The following CADPS variants were observed in gnomAD, a reference collection of about 807,000 sequenced individuals.
CADPS encodes calcium dependent secretion activator, also known as calcium-dependent secretion activator 1.
Under a neutral mutation model 167.3 loss-of-function variants are expected in CADPS, and 57 were observed. The ratio of observed to expected loss-of-function variants is 0.34; its 90% confidence interval spans 0.28 to 0.42. The LOEUF is 0.42. Ranked by LOEUF, CADPS falls within the 20% of genes least tolerant of loss-of-function variation. The pLI, the probability that CADPS is intolerant of heterozygous loss-of-function variation, is 1.00. For synonymous variants in CADPS, 676 were observed against 635.3 expected, an observed-to-expected ratio of 1.06 and a Z score of -0.96; for missense variants, 1,414 against 1,738.1, an observed-to-expected ratio of 0.81 and a Z score of 3.32.
intron 28 of CADPS, among the ~76,000 whole-genome samples, chr3:62,419,613 A>G (rs2050883235): frequency 6.6e-6 from 1 of 152,144 alleles, no homozygotes; most frequent in Non-Finnish European, 1.5e-5. Flanking sequence ...AGAACTTAAG[A>G]TGTAGGAGAA....
At chr3:62,702,189 T>C (rs1374172961) in intron 3 of CADPS, among the ~76,000 whole-genome samples, 1 of 152,172 alleles carries the variant, frequency 6.6e-6, no homozygotes, top group Non-Finnish European at 1.5e-5. Flanking sequence ...CCAGGGCATG[T>C]CCTTAACCTT....
intron 1 of CADPS, among the ~76,000 whole-genome samples, chr3:62,855,111 T>A (rs13317286): frequency 1.4e-5 from 2 of 144,498 alleles, no homozygotes; most frequent in South Asian, 2.2e-4. Flanking sequence ...TTTTTTTTTG[T>A]CTTTTAGTAG....
chr3:62,548,681 G>A (rs2076875537), intron 11 of CADPS, among the ~76,000 whole-genome samples: 1 of 152,232 alleles, frequency 6.6e-6, no homozygotes. Context: ...CTGTTTAAGA[G>A]CAACAGAGGA....
chr3:62,874,988 G>C lies in CADPS; in HGVS notation c.42C>G (p.Ile14Met), dbSNP rs201514742. The C allele has an allele frequency of 1.3e-6, 2 of 1,595,646 alleles. No homozygotes were observed. Among genetic ancestry groups the C allele is most frequent in the African/African-American group, 2.8e-5 (2 of 72,672 alleles). Residue 14 changes from isoleucine to methionine, a missense_variant, in exon 1 of 30, where the codon ATC becomes ATG. Coordinates refer to ENST00000383710, the MANE Select transcript of CADPS (RefSeq NM_003716.4). The surrounding 1 kb of genome is among the most constrained non-coding windows in gnomAD (Gnocchi z 7.1). ...CCTCCTTGCCGCTCTCCTCCTCCAC[G>C]ATCTCATCCGATTCTTCTTCGCTGG... ...PSSSEEESDE[I>M]VEEESGKEVL...
chr3:62,516,535 T>C (rs771626645), intron 15 of CADPS, 45 bp downstream of exon 15: 7 of 1,380,136 alleles, frequency 5.1e-6, no homozygotes, highest in Non-Finnish European at 7.0e-6. Flanking sequence ...ATTATGCTTA[T>C]GTCTTTTTAT....
At chr3:62,680,156 C>A (rs1351290564) in intron 3 of CADPS, among the ~76,000 whole-genome samples, 1 of 151,960 alleles carries the variant, frequency 6.6e-6, no homozygotes, top group Non-Finnish European at 1.5e-5. Context: ...GGTGGAGCAG[C>A]TGCAGAAATT....
At chr3:62,707,236 G>A (rs1053018637) in intron 3 of CADPS, among the ~76,000 whole-genome samples, 2 of 152,108 alleles carry the variant, frequency 1.3e-5, no homozygotes, top group African/African-American at 4.8e-5. Flanking sequence ...AACTGCACAT[G>A]TGAGGGATCT....
At chr3:62,851,355 G>A (rs899811773) in intron 1 of CADPS, among the ~76,000 whole-genome samples, 3 of 128,840 alleles carry the variant, frequency 2.3e-5, no homozygotes, top group African/African-American at 8.8e-5. Context: ...AGTTGATGCA[G>A]TTTCTTCCTA....
chr3:62,691,978 GTCTTA>G (rs143071010), intron 3 of CADPS, among the ~76,000 whole-genome samples: 9,634 of 151,900 alleles, frequency 0.063, 355 homozygotes, highest in South Asian at 0.094. Flanking sequence ...TAATAATATG[GTCTTA>G]TCTTATGAAA....
intron 1 of CADPS, among the ~76,000 whole-genome samples, chr3:62,842,187 A>G (rs2076738580): frequency 6.6e-6 from 1 of 152,198 alleles, no homozygotes; most frequent in South Asian, 2.1e-4. Context: ...CAAGAACTCT[A>G]ACAACAGTTA....
At position 62,536,524 on chromosome 3, in the gene CADPS, T is replaced by G. The variant is rs764524930; in HGVS notation, c.2024A>C (p.Asn675Thr). The G allele has an allele frequency of 3.7e-6, 6 of 1,613,338 alleles. No homozygotes were observed. The highest frequency in any genetic ancestry group is 5.1e-6 in the Non-Finnish European group (6 of 1,179,492). ...CTCAAAGAGGGAAGCGTGGTCAAAGTTACAGGGGTTGGAAGAGATAAATTC... is the reference window on the plus strand; with the variant it reads ...CTCAAAGAGGGAAGCGTGGTCAAAGGTACAGGGGTTGGAAGAGATAAATTC... ...MDEFISSNPC[N>T]FDHASLFEMV... is the part of the protein sequence containing the mutation. The change falls in exon 12 of 30, where the codon AAC becomes ACC. Residue 675 changes from asparagine (N) to threonine (T), a missense_variant. Physicochemically the swap from Asn to Thr is moderately conservative, Grantham distance 65. Transcript: ENST00000383710.
chr3:62,576,657 G>C (rs1250035868), intron 8 of CADPS, among the ~76,000 whole-genome samples: 6 of 151,002 alleles, frequency 4.0e-5, no homozygotes, highest in Admixed American at 4.0e-4. Flanking sequence ...TGGGCATGGT[G>C]GTATGCATCT....
chr3:62,853,513 T>A (rs1454832844), intron 1 of CADPS, among the ~76,000 whole-genome samples: 2 of 151,414 alleles, frequency 1.3e-5, no homozygotes, highest in East Asian at 3.9e-4. Context: ...TAATCCCAGC[T>A]ACTCGGGAGG....
chr3:62,664,545 G>A (rs925556064), intron 3 of CADPS, among the ~76,000 whole-genome samples: 61 of 152,210 alleles, frequency 4.0e-4, no homozygotes, highest in African/African-American at 1.5e-3. Context: ...TATTCCCTTG[G>A]GAAGCCCAAA....
intron 19 of CADPS, among the ~76,000 whole-genome samples, 153 bp from the exon 20 acceptor site, chr3:62,492,599 A>G (rs1265701352): frequency 6.6e-6 from 1 of 152,178 alleles, no homozygotes; most frequent in Non-Finnish European, 1.5e-5. Context: ...TTTTTGATAC[A>G]ATTGGGGTGT....
intron 28 of CADPS, among the ~76,000 whole-genome samples, chr3:62,409,569 T>C (rs572263925): frequency 6.6e-6 from 1 of 152,200 alleles, no homozygotes; most frequent in Non-Finnish European, 1.5e-5. Flanking sequence ...AAAAGGTGAA[T>C]GAGTCCGAAG....
intron 26 of CADPS, among the ~76,000 whole-genome samples, chr3:62,450,991 T>TA (rs971196840): frequency 3.9e-5 from 6 of 152,126 alleles, no homozygotes; most frequent in East Asian, 1.9e-4. Context: ...TTTCTTTTTT[T>TA]AAAAAAACTA....
At chr3:62,510,100 C>A (rs149721263) in intron 17 of CADPS, among the ~76,000 whole-genome samples, 1 of 152,060 alleles carries the variant, frequency 6.6e-6, no homozygotes, top group Admixed American at 6.6e-5. Flanking sequence ...ACCTACCCAT[C>A]ATTCATCCAT....
intron 1 of CADPS, among the ~76,000 whole-genome samples, chr3:62,829,467 G>T (rs1465775465): frequency 6.6e-6 from 1 of 152,050 alleles, no homozygotes; most frequent in Non-Finnish European, 1.5e-5. Context: ...ATCCTCCATG[G>T]ATACCAAGAG....
Sources: allele counts gnomAD v4.1 joint callset (sites outside exome capture counted in the v4.1 genomes callset), GRCh38; gene constraint gnomAD v4.1.1; non-coding constraint Gnocchi (gnomAD v3.1); transcripts MANE v1.5; gene names NCBI Gene and HGNC (gene_info 2026-07-23, HGNC 2026-07-21).